Variants in PRKD3 observed in about 807,000 individuals in gnomAD.
The protein encoded by PRKD3 is serine/threonine-protein kinase D3.
A neutral mutation model predicts 99.2 loss-of-function variants in PRKD3; 47 were observed. That is an observed-to-expected ratio of 0.47 (90% confidence interval 0.38 to 0.60). The LOEUF (loss-of-function observed/expected upper bound fraction) is 0.60. Among genes scored for constraint, PRKD3 ranks in the 20% least tolerant of loss-of-function variants. The pLI is 0.00. For synonymous variants in PRKD3, 392 were observed against 355.4 expected (o/e 1.10, Z -1.16); for missense variants, 1,019 against 1,088.4 (o/e 0.94, Z 0.90).
Position 37,324,678 on chromosome 2 carries a change from T to C in PRKD3, c.-656+3A>G. 1 of 150,856 alleles carries C rather than the reference T, an allele frequency of 6.6e-6. No individual in the cohort carries two copies. The highest frequency in any genetic ancestry group is 6.6e-5 in the Admixed American group (1 of 15,188). 9.3% of individuals were successfully genotyped at this position (150,856 alleles called of 1,614,324 possible). ...TTCAGCGCTCCCCGAGGCGACTACTTACAGTGGCAGGCTCGGCCCGTCGTG... is the reference window on the plus strand; with the variant it reads ...TTCAGCGCTCCCCGAGGCGACTACTCACAGTGGCAGGCTCGGCCCGTCGTG... On this transcript the variant is annotated splice_donor_region_variant and intron_variant, in intron 1 of 18. Transcript: ENST00000234179.
chr2:37,321,722 G>A (rs1671891637), intron 1 of PRKD3, among the ~76,000 whole-genome samples: 1 of 152,328 alleles, frequency 6.6e-6, no homozygotes, highest in East Asian at 1.9e-4. Flanking sequence ...TAAACTGCAA[G>A]AGGTGATATG....
chr2:37,295,913 C>A (rs1052182193), intron 2 of PRKD3, among the ~76,000 whole-genome samples: 1 of 152,122 alleles, frequency 6.6e-6, no homozygotes, highest in African/African-American at 2.4e-5. Context: ...GAAAGGGTGA[C>A]CCTATCAGTC....
chr2:37,321,960 G>A (rs892701685), intron 1 of PRKD3, among the ~76,000 whole-genome samples: 1 of 152,188 alleles, frequency 6.6e-6, no homozygotes, highest in Non-Finnish European at 1.5e-5. Flanking sequence ...AGGCTAAAGT[G>A]AAGAGATAAA....
chr2:37,253,294 G>A lies in PRKD3; in HGVS notation c.2556C>T (p.Tyr852=), dbSNP rs1365972864. ...GAGCATCATCACTTTCATGTGTAAT[G>A]TAACGTTCTCCAATGCGAGTTTCAA... ...REFETRIGER[Y]ITHESDDARW... is the part of the protein sequence containing the mutation. The change falls in exon 19 of 19, where the codon TAC becomes TAT. Residue 852 remains tyrosine, a synonymous_variant. Coordinates refer to ENST00000234179, the MANE Select transcript of PRKD3 (RefSeq NM_005813.6). 7 of 1,612,936 alleles carry A rather than the reference G, an allele frequency of 4.3e-6. No individual in the cohort carries two copies. Among genetic ancestry groups the A allele is most frequent in the Middle Eastern group, 1.6e-4 (1 of 6,078 alleles).
rs1206179219 is a variant in PRKD3, at chr2:37,252,349, G to T, written c.*828C>A. On this transcript the variant is annotated 3_prime_UTR_variant, in exon 19 of 19. Transcript: ENST00000234179. ...TGCTGGAATCCAGTACTGGCATCAA[G>T]ATGGTGTCAGTCAGAACATGCATAT... The T allele has an allele frequency of 2.0e-5, 3 of 152,210 alleles. No homozygotes were observed. In the East Asian group the frequency reaches 5.8e-4, roughly 29 times the overall value. 9.4% of individuals were successfully genotyped at this position (152,210 alleles called of 1,614,324 possible).
chr2:37,277,821 A>T, intron 9 of PRKD3, 45 bp downstream of exon 9: 4 of 1,593,852 alleles, frequency 2.5e-6, no homozygotes, highest in Non-Finnish European at 3.4e-6. Flanking sequence ...AATGAAACTC[A>T]TAACAAAGTC....
At position 37,277,947 on chromosome 2, in the gene PRKD3, T is replaced by C. The variant is rs139436046; in HGVS notation, c.1215A>G (p.Gln405=). The C allele has an allele frequency of 2.0e-5, 32 of 1,612,620 alleles. No homozygotes were observed. In the African/African-American group the frequency reaches 3.6e-4, roughly 18 times the overall value. ...SNNIPLMRVV[Q]SIKHTKRKSS... ...TCTTCCTCTTTGTGTGCTTGATGGA[T>C]TGTACAACCCTCATTAGCGGAATAT... Residue 405 remains glutamine, a synonymous_variant, in exon 9 of 19, where the codon CAA becomes CAG. Transcript: ENST00000234179.
At chr2:37,315,828 G>T (rs768279317) in intron 2 of PRKD3, among the ~76,000 whole-genome samples, 6 of 152,146 alleles carry the variant, frequency 3.9e-5, no homozygotes, top group African/African-American at 1.4e-4. Context: ...TGCTCCCCAC[G>T]ATTCTCCTGT....
chr2:37,268,477 C>A, intron 13 of PRKD3: 1 of 383,018 alleles, frequency 2.6e-6, no homozygotes, highest in South Asian at 2.0e-5. Context: ...CAAAGAAGAT[C>A]CAGACATCTC....
chr2:37,258,273 T>C (rs1668135608), intron 16 of PRKD3, among the ~76,000 whole-genome samples: 1 of 152,234 alleles, frequency 6.6e-6, no homozygotes, highest in Non-Finnish European at 1.5e-5. Context: ...TGAATGATAT[T>C]TGCTCAAAAT....
At chr2:37,321,523 G>T (rs1265751194) in intron 1 of PRKD3, among the ~76,000 whole-genome samples, 1 of 152,058 alleles carries the variant, frequency 6.6e-6, no homozygotes, top group Non-Finnish European at 1.5e-5. Context: ...ACTCTAATTA[G>T]GAGAAGCTCT....
rs912629165 is a variant in PRKD3 at position 37,289,922 on chromosome 2, T to C, written c.560-409A>G. Among the ~76,000 whole-genome samples, 35 of 152,334 alleles carry C rather than the reference T, an allele frequency of 2.3e-4. 1 individual carries two copies. Among genetic ancestry groups the C allele is most frequent in the Admixed American group, 1.7e-3 (26 of 15,302 alleles). ...AACTATGGCCTCTGTACCAAATTCC[T>C]CCTGTGACATGAAAATTTTATGAAA... On this transcript the variant is annotated intron_variant, in intron 4 of 18. Transcript: ENST00000234179.
At chr2:37,265,764 A>G (rs1668795323) in intron 14 of PRKD3, among the ~76,000 whole-genome samples, 1 of 152,226 alleles carries the variant, frequency 6.6e-6, no homozygotes, top group African/African-American at 2.4e-5. Flanking sequence ...GAGACATCCT[A>G]CAATCTATTC....
At chr2:37,294,912 T>TA (rs1393020157) in intron 2 of PRKD3, among the ~76,000 whole-genome samples, 9 of 152,074 alleles carry the variant, frequency 5.9e-5, no homozygotes, top group Non-Finnish European at 1.2e-4. Context: ...CTGTCTCTGA[T>TA]AAAAATACAA....
chr2:37,299,181 ATGACCATATGGGT>A (rs1183986256), intron 2 of PRKD3, among the ~76,000 whole-genome samples: 4 of 152,092 alleles, frequency 2.6e-5, no homozygotes, highest in Non-Finnish European at 5.9e-5. Flanking sequence ...ATCTATTGAG[ATGACCATATGGGT>A]TTTGGTCTTC....
At chr2:37,323,091 G>C (rs1360557526) in intron 1 of PRKD3, among the ~76,000 whole-genome samples, 1 of 151,752 alleles carries the variant, frequency 6.6e-6, no homozygotes, top group Non-Finnish European at 1.5e-5. Flanking sequence ...ATATCAGAAA[G>C]TTTTATTTAT....
At chr2:37,293,683 T>C (rs1461489010) in intron 2 of PRKD3, among the ~76,000 whole-genome samples, 1 of 152,226 alleles carries the variant, frequency 6.6e-6, no homozygotes, top group African/African-American at 2.4e-5. Context: ...AAATGCTCAC[T>C]GACTTATTTG....
At position 37,272,449 on chromosome 2, in the gene PRKD3, A is replaced by G; in HGVS notation, c.1652-17T>C. Reference sequence around the variant, plus strand: ...ACAAATCTTCTGTAAAATATAAAAAAGACAAAATTTAGTATATGACAATAT... The same window carrying G: ...ACAAATCTTCTGTAAAATATAAAAAGGACAAAATTTAGTATATGACAATAT... On this transcript the variant is annotated splice_polypyrimidine_tract_variant and intron_variant, in intron 11 of 18. Transcript: ENST00000234179. The G allele has an allele frequency of 6.3e-7, 1 of 1,596,738 alleles. No individual in the cohort carries two copies. The highest frequency in any genetic ancestry group is 8.5e-7 in the Non-Finnish European group (1 of 1,174,452).
chr2:37,313,348 A>AC (rs1214676758), intron 2 of PRKD3, among the ~76,000 whole-genome samples: 5 of 152,060 alleles, frequency 3.3e-5, no homozygotes, highest in Admixed American at 6.6e-5. Flanking sequence ...AAAAAAAAAA[A>AC]AACTGTAAAG....
Sources: allele counts gnomAD v4.1 joint callset (sites outside exome capture counted in the v4.1 genomes callset), GRCh38; gene constraint gnomAD v4.1.1; transcripts MANE v1.5; gene names NCBI Gene and HGNC (gene_info 2026-07-23, HGNC 2026-07-21).